Variants in SLC9A6 observed in about 807,000 individuals in gnomAD.
The protein encoded by SLC9A6 is sodium/hydrogen exchanger 6.
In SLC9A6, 6 loss-of-function variants were observed where a neutral mutation model predicts 45.3. That is an observed-to-expected ratio of 0.13 (90% CI 0.07 to 0.26). The LOEUF is 0.26. Ranked by LOEUF, SLC9A6 falls within the 10% of genes least tolerant of loss-of-function variation. The pLI, the probability that SLC9A6 is intolerant of heterozygous loss-of-function variation, is 1.00. For synonymous variants in SLC9A6, 191 were observed against 187.7 expected, an observed-to-expected ratio of 1.02 and a Z score of -0.14; for missense variants, 278 against 503.7, an observed-to-expected ratio of 0.55 and a Z score of 4.29.
At chrX:136,035,636 T>C (rs1304486109) in intron 16 of SLC9A6, among the ~76,000 whole-genome samples, 1 of 112,272 alleles carries the variant, frequency 8.9e-6, no homozygotes, top group Non-Finnish European at 1.9e-5. Flanking sequence ...TACAAAAACC[T>C]GCATGAATAT....
chrX:136,002,744 A>G (rs2089600787), intron 7 of SLC9A6, among the ~76,000 whole-genome samples: 2 of 108,972 alleles, frequency 1.8e-5, no homozygotes, highest in South Asian at 7.9e-4. Context: ...GTATTTTAGT[A>G]GAGATGGGTT....
intron 13 of SLC9A6, among the ~76,000 whole-genome samples, chrX:136,026,669 G>T (rs2071232453): frequency 9.0e-6 from 1 of 110,628 alleles, no homozygotes; most frequent in African/African-American, 3.3e-5. Context: ...CCAAGTAGCT[G>T]GGATTACAGG....
At chrX:136,004,080 CTTTTTTT>C (rs782804669) in intron 7 of SLC9A6, among the ~76,000 whole-genome samples, 2 of 66,243 alleles carry the variant, frequency 3.0e-5, no homozygotes, top group Admixed American at 1.7e-4. Flanking sequence ...CCTCCCTAAT[CTTTTTTT>C]TTTTTTTTTT....
chrX:135,980,045 C>T (rs1251027735), intron 1 of SLC9A6, among the ~76,000 whole-genome samples: 3 of 111,864 alleles, frequency 2.7e-5, no homozygotes, highest in African/African-American at 9.8e-5. Context: ...GGATTACAGG[C>T]GTGAGCCACT....
At chrX:135,999,108 A>G (rs1603199064) in intron 6 of SLC9A6, 140 bp downstream of exon 6, 2 of 485,767 alleles carry the variant, frequency 4.1e-6, no homozygotes, top group Non-Finnish European at 7.2e-6. Flanking sequence ...TGTGGAGGAA[A>G]AAACAAAATT....
Position 136,044,931 on chromosome X carries a change from G to C in SLC9A6, c.*207G>C. The C allele has an allele frequency of 2.4e-6, 1 of 422,684 alleles. No individual in the cohort carries two copies. The highest frequency in any genetic ancestry group is 3.8e-5 in the South Asian group (1 of 26,194). The allele number at this position is 422,684 out of a possible 1,213,427, so 34.8% of individuals were successfully genotyped here. A position where few individuals can be genotyped will look rare whatever the true frequency, so the allele number is the denominator to read the frequency against. ...TAAGTTTTCCTGGTTGCACTCTGTA[G>C]ACTGGATCTGTTTTAGGAAGTTACT... On this transcript the variant is annotated 3_prime_UTR_variant, in exon 18 of 18. Transcript: ENST00000630721.
chrX:136,006,928 G>A lies in SLC9A6; in HGVS notation c.744-3514G>A, dbSNP rs150276180. On this transcript the variant is annotated intron_variant, in intron 7 of 17. Coordinates refer to ENST00000630721, the MANE Select transcript of SLC9A6 (RefSeq NM_001379110.1). ...GTCACCCAGGCTGGAGTACAATGGC[G>A]CGGTCTTGGCTCACTGCTACCTCCG... Among the ~76,000 whole-genome samples, 344 of 110,142 alleles carry A rather than the reference G, an allele frequency of 3.1e-3. 2 individuals are homozygous for A. Among genetic ancestry groups the A allele is most frequent in the African/African-American group, 9.0e-3 (274 of 30,291 alleles).
intron 17 of SLC9A6, among the ~76,000 whole-genome samples, chrX:136,041,705 T>C (rs2071514109): frequency 8.9e-6 from 1 of 112,312 alleles, no homozygotes; most frequent in Non-Finnish European, 1.9e-5. Context: ...CCTTGGAATG[T>C]AGCGAAACAC....
chrX:135,982,989 G>C (rs1556614338), upstream of SLC9A6, among the ~76,000 whole-genome samples: 1 of 111,685 alleles, frequency 9.0e-6, no homozygotes. Context: ...CCTGGGGAGT[G>C]GGGTGAGAGG....
rs555737340 is a variant in SLC9A6 at position 136,036,608 on chromosome X, G to C, written c.1661+3115G>C. On this transcript the variant is annotated intron_variant, in intron 16 of 17. Transcript: ENST00000630721. ...AGTTCACTGTAGCCCCAACCTCCTG[G>C]GCTCAGGTGATCCTCCTGCCTCAGC... Among the ~76,000 whole-genome samples the C allele has an allele frequency of 1.2e-4, 13 of 112,462 alleles. 1 individual carries two copies. In the South Asian group the frequency reaches 1.8e-3, roughly 16 times the overall value.
At chrX:136,023,886 T>A (rs1333154011) in intron 12 of SLC9A6, among the ~76,000 whole-genome samples, 1 of 111,323 alleles carries the variant, frequency 9.0e-6, no homozygotes, top group Non-Finnish European at 1.9e-5. Context: ...TCTATTTCTG[T>A]TTGTACTTTT....
intron 7 of SLC9A6, among the ~76,000 whole-genome samples, chrX:136,007,506 G>A (rs1043548379): frequency 2.7e-5 from 3 of 111,858 alleles, no homozygotes; most frequent in East Asian, 5.6e-4. Flanking sequence ...TTATGATAAT[G>A]TTAAAATATG....
At chrX:136,011,640 A>G (rs998884781) in intron 8 of SLC9A6, among the ~76,000 whole-genome samples, 3 of 112,223 alleles carry the variant, frequency 2.7e-5, no homozygotes, top group South Asian at 3.7e-4. Context: ...AAAGCTAAAG[A>G]AGACAAACAT....
At chrX:136,022,848 C>T (rs1394514488) in intron 12 of SLC9A6, 151 bp downstream of exon 12, 6 of 326,775 alleles carry the variant, frequency 1.8e-5, no homozygotes, top group African/African-American at 8.3e-5. Context: ...TTCACTCTGT[C>T]GCCCAGGCTG....
upstream of SLC9A6, among the ~76,000 whole-genome samples, chrX:135,980,298 C>T (rs1431413000): frequency 9.1e-6 from 1 of 109,714 alleles, no homozygotes; most frequent in African/African-American, 3.3e-5. Flanking sequence ...ACTGCAACTT[C>T]GGCCTCCCAG....
At chrX:136,025,555 TTC>T (rs1464379905) in intron 13 of SLC9A6, among the ~76,000 whole-genome samples, 1 of 112,599 alleles carries the variant, frequency 8.9e-6, no homozygotes, top group African/African-American at 3.2e-5. Flanking sequence ...CTCTTATAAT[TTC>T]TGTGCTTTTA....
intron 7 of SLC9A6, among the ~76,000 whole-genome samples, chrX:136,003,146 G>A (rs1369812592): frequency 2.7e-5 from 3 of 110,075 alleles, no homozygotes; most frequent in African/African-American, 6.6e-5. Context: ...CTACCACCAC[G>A]CCCGGCTAAT....
chrX:136,000,494 A>G (rs2089566316), intron 6 of SLC9A6, among the ~76,000 whole-genome samples: 1 of 111,195 alleles, frequency 9.0e-6, no homozygotes, highest in Admixed American at 9.6e-5. Flanking sequence ...AAGGTTCTCA[A>G]CTTTTCAAAT....
intron 7 of SLC9A6, among the ~76,000 whole-genome samples, chrX:136,008,952 T>C (rs1229912481): frequency 8.9e-6 from 1 of 112,252 alleles, no homozygotes; most frequent in South Asian, 3.7e-4. Context: ...TAATGATTAG[T>C]GTGAATCTTG....
Sources: gnomAD v4.1 joint callset for allele counts (sites outside exome capture counted in the v4.1 genomes callset) on GRCh38, gnomAD v4.1.1 for gene constraint, MANE v1.5 for transcripts, NCBI Gene and HGNC (gene_info 2026-07-23, HGNC 2026-07-21) for gene names.